Variants in CPNE7 observed in about 807,000 individuals in gnomAD.
The protein encoded by CPNE7 is copine 7.
Under a neutral mutation model 66.5 loss-of-function variants are expected in CPNE7, and 78 were observed. That is an observed-to-expected ratio of 1.17 (90% CI 0.98 to 1.42). The LOEUF (loss-of-function observed/expected upper bound fraction) is 1.42, where lower values mean the gene tolerates loss of function less well. Among genes scored for constraint, CPNE7 ranks in the 40% most tolerant of loss-of-function variants. The pLI is 0.00. For missense variants in CPNE7, 1,012 were observed against 776.6 expected (o/e 1.30, Z -3.60); for synonymous variants, 468 against 336.7 (o/e 1.39, Z -4.27).
rs149497882 is a variant in CPNE7 at position 89,595,519 on chromosome 16, C to T, written c.1455C>T (p.Gly485=). The change falls in exon 14 of 15, where the codon GGC becomes GGT. Residue 485 remains glycine (G), a synonymous_variant. Coordinates refer to ENST00000319518, the MANE Select transcript of CPNE7 (RefSeq NM_153636.3). ...ADFTDMQVLD[G]DDGVLRSPRG... ...TCACCGACATGCAGGTCCTGGACGG[C>T]GACGACGGCGTCCTGCGCTCCCCAC... is the stretch of plus-strand genomic sequence containing the variant. 419 of 1,612,598 alleles carry T rather than the reference C, an allele frequency of 2.6e-4. 4 individuals carry two copies. The East Asian group carries it at 4.9e-3, about 19-fold the overall frequency.
intron 2 of CPNE7, 67 bp downstream of exon 2, chr16:89,577,788 G>C: frequency 1.3e-6 from 2 of 1,501,648 alleles, no homozygotes; most frequent in Non-Finnish European, 1.8e-6. Context: ...ATTCAAGGCT[G>C]ATGTACCAGC....
chr16:89,587,038 G>A lies in CPNE7; in HGVS notation c.868-5G>A. 8 of 1,576,990 alleles carry A rather than the reference G, an allele frequency of 5.1e-6. No individual in the cohort carries two copies. The highest frequency in any genetic ancestry group is 1.8e-5 in the Admixed American group (1 of 55,112). ...GGGGTGGACGCTGACTCCGCCGGCC[G>A]GAAGTTCCACAGGGTGTACTCCTTC... On this transcript the variant is annotated splice_region_variant and splice_polypyrimidine_tract_variant and intron_variant, in intron 8 of 14. Coordinates refer to ENST00000319518, the MANE Select transcript of CPNE7 (RefSeq NM_153636.3).
rs770474330 is a variant in CPNE7, at chr16:89,591,166, C to G, written c.1208C>G (p.Pro403Arg). 1.2e-6 allele frequency: 2 copies of G among 1,607,598 alleles called. No individual in the cohort carries two copies. The highest frequency in any genetic ancestry group is 1.7e-6 in the Non-Finnish European group (2 of 1,177,348). ...GTGGAGGCCTACCAGAACTGCCTGCCCAGGGTCCAGCTCTACGGCCCCACC... is the reference window on the plus strand; with the variant it reads ...GTGGAGGCCTACCAGAACTGCCTGCGCAGGGTCCAGCTCTACGGCCCCACC... Reference protein sequence around the residue: ...GVVEAYQNCLPRVQLYGPTNV... With the variant: ...GVVEAYQNCLRRVQLYGPTNV... The change falls in exon 13 of 15, where the codon CCC becomes CGC. Residue 403 changes from proline (P) to arginine (R), a missense_variant. Pro to Arg is a moderately radical substitution (Grantham distance 103). Transcript: ENST00000319518.
In CPNE7 at chr16:89,576,089, G is replaced by A. The variant is rs1041048547; in HGVS notation, c.174+18G>A. Reference sequence around the variant, plus strand: ...GGGTGCAGGTAGGGCCGGGGCGTGGGAGGCCGAGAGGCCACCGGGCCGGGG... The same window carrying A: ...GGGTGCAGGTAGGGCCGGGGCGTGGAAGGCCGAGAGGCCACCGGGCCGGGG... On this transcript the variant is annotated intron_variant, in intron 1 of 14. Transcript: ENST00000319518. The A allele has an allele frequency of 8.0e-6, 10 of 1,245,912 alleles. No homozygotes were observed. The highest frequency in any genetic ancestry group is 1.0e-5 in the Non-Finnish European group (10 of 994,232). The allele number at this position is 1,245,912 out of a possible 1,614,324, so 77.2% of individuals were successfully genotyped here.
Position 89,589,798 on chromosome 16 carries a change from C to G in CPNE7, c.1062-99C>G, listed in dbSNP as rs2059141797. On this transcript the variant is annotated intron_variant, in intron 10 of 14. Coordinates refer to ENST00000319518, the MANE Select transcript of CPNE7 (RefSeq NM_153636.3). ...CTGCCGTGGTACCAGGCCTGGGCACCCCCAGTCTTTTGGGCGCCAGTCATG... is the reference window on the plus strand; with the variant it reads ...CTGCCGTGGTACCAGGCCTGGGCACGCCCAGTCTTTTGGGCGCCAGTCATG... 2.2e-6 allele frequency: 3 copies of G among 1,346,020 alleles called. No individual in the cohort carries two copies. The East Asian group carries it at 7.2e-5, about 32-fold the overall frequency. 83.4% of individuals were successfully genotyped at this position (1,346,020 alleles called of 1,614,324 possible).
chr16:89,596,066 G>C (rs1405613366), intron 14 of CPNE7: 1 of 447,388 alleles, frequency 2.2e-6, no homozygotes, highest in Non-Finnish European at 4.3e-6. Flanking sequence ...ATGCCACATA[G>C]ATGTGAAGTT....
intron 2 of CPNE7, chr16:89,579,052 A>C (rs1294862933): frequency 2.9e-6 from 4 of 1,364,014 alleles, no homozygotes; most frequent in South Asian, 1.4e-5. Flanking sequence ...GCACTTTGGA[A>C]GTCCGAGGTG....
intron 8 of CPNE7, 105 bp from the exon 9 acceptor site, chr16:89,586,938 C>A: frequency 8.3e-7 from 1 of 1,210,136 alleles, no homozygotes; most frequent in Non-Finnish European, 1.2e-6. Flanking sequence ...AGGAGGGTGG[C>A]ACCCCAGAGG....
chr16:89,589,778 G>C lies in CPNE7; in HGVS notation c.1062-119G>C, dbSNP rs561424892. Reference sequence around the variant, plus strand: ...CCACCTCTGGCAGGTGCTTACTGCCGTGGTACCAGGCCTGGGCACCCCCAG... The same window carrying C: ...CCACCTCTGGCAGGTGCTTACTGCCCTGGTACCAGGCCTGGGCACCCCCAG... On this transcript the variant is annotated intron_variant, in intron 10 of 14. Transcript: ENST00000319518. The C allele has an allele frequency of 5.7e-6, 6 of 1,049,196 alleles. No homozygotes were observed. In the African/African-American group the frequency reaches 9.5e-5, roughly 17 times the overall value. The allele number at this position is 1,049,196 out of a possible 1,614,324, so 65.0% of individuals were successfully genotyped here. A position where few individuals can be genotyped will look rare whatever the true frequency, so the allele number is the denominator to read the frequency against.
Position 89,596,714 on chromosome 16 carries a change from C to G in CPNE7, c.*93C>G. On this transcript the variant is annotated 3_prime_UTR_variant, in exon 15 of 15. Transcript: ENST00000319518. The stretch of plus-strand genomic sequence containing the variant: ...TGGGGTCCCTTAAGCTCCCTCCGAC[C>G]TCCCAGAAGCCTCCAGTCCCCACCA... 7.4e-7 allele frequency: 1 copy of G among 1,351,584 alleles called. No homozygotes were observed. The highest frequency in any genetic ancestry group is 3.1e-5 in the Admixed American group (1 of 32,242). The allele number at this position is 1,351,584 out of a possible 1,614,324, so 83.7% of individuals were successfully genotyped here. A position where few individuals can be genotyped will look rare whatever the true frequency, so the allele number is the denominator to read the frequency against.
At position 89,583,745 on chromosome 16, in the gene CPNE7, A is replaced by C. The variant is rs1353582655; in HGVS notation, c.406A>C (p.Arg136=). Residue 136 remains arginine, a synonymous_variant, in exon 3 of 15, where the codon AGG becomes CGG. Coordinates refer to ENST00000319518, the MANE Select transcript of CPNE7 (RefSeq NM_153636.3). ...CCGCCCGCTGCTGCTCAAGTTTGGC[A>C]GGAACGCTGGCAAGTCCACCATCAC... is the stretch of plus-strand genomic sequence containing the variant. ...VTRPLLLKFG[R]NAGKSTITVI... is the part of the protein sequence containing the mutation. The C allele has an allele frequency of 1.9e-6, 3 of 1,612,626 alleles. No homozygotes were observed. Among genetic ancestry groups the C allele is most frequent in the Non-Finnish European group, 2.5e-6 (3 of 1,179,922 alleles).
At position 89,595,378 on chromosome 16, in the gene CPNE7, C is replaced by T; in HGVS notation, c.1314C>T (p.Ile438=). The T allele has an allele frequency of 7.0e-6, 11 of 1,575,282 alleles. No individual in the cohort carries two copies. Among genetic ancestry groups the T allele is most frequent in the Non-Finnish European group, 9.5e-6 (11 of 1,156,488 alleles). Reference sequence around the variant, plus strand: ...TCCTGTGCCCCCAGCAATACTACATCCTGCTGATCCTGACGGACGGCGTGG... The same window carrying T: ...TCCTGTGCCCCCAGCAATACTACATTCTGCTGATCCTGACGGACGGCGTGG... ...ESTGKASQYY[I]LLILTDGVVT... is the part of the protein sequence containing the mutation. Residue 438 remains isoleucine, a synonymous_variant, in exon 14 of 15, where the codon ATC becomes ATT. Transcript: ENST00000319518.
chr16:89,586,422 C>G (rs781206336), intron 7 of CPNE7, among the ~76,000 whole-genome samples: 1 of 151,936 alleles, frequency 6.6e-6, no homozygotes, highest in African/African-American at 2.4e-5. Context: ...CTTCCTCCCC[C>G]GTCCCTGGGC....
At chr16:89,586,368 A>G (rs372714783) in intron 7 of CPNE7, among the ~76,000 whole-genome samples, 18 of 151,998 alleles carry the variant, frequency 1.2e-4, no homozygotes, top group African/African-American at 4.3e-4. Flanking sequence ...CCCAGCCCAC[A>G]GCAGCCGGGT....
chr16:89,587,329 G>C lies in CPNE7; in HGVS notation c.927+227G>C, dbSNP rs1208480505. Reference sequence around the variant, plus strand: ...GCCCATCCCCGCCCCCTCAGTCCGTGGCCCCGCCCCCGCCCCCGCCCCCGC... The same window carrying C: ...GCCCATCCCCGCCCCCTCAGTCCGTCGCCCCGCCCCCGCCCCCGCCCCCGC... On this transcript the variant is annotated intron_variant, in intron 9 of 14. Coordinates refer to ENST00000319518, the MANE Select transcript of CPNE7 (RefSeq NM_153636.3). Among the ~76,000 whole-genome samples the C allele has an allele frequency of 3.4e-3, 9 of 2,658 alleles. 4 individuals are homozygous for C. Among genetic ancestry groups the C allele is most frequent in the African/African-American group, 0.015 (9 of 616 alleles). The allele number at this position is 2,658 out of a possible 152,430, so 1.7% of individuals were successfully genotyped here. A position where few individuals can be genotyped will look rare whatever the true frequency, so the allele number is the denominator to read the frequency against.
rs771808309 is a variant in CPNE7, at chr16:89,584,820, A to G, written c.554A>G (p.Asn185Ser). 8.7e-6 allele frequency: 14 copies of G among 1,613,638 alleles called. No individual in the cohort carries two copies. In the African/African-American group the frequency reaches 1.1e-4, roughly 12 times the overall value. The change falls in exon 5 of 15, where the codon AAC (asparagine) becomes AGC (serine). Residue 185 changes from asparagine to serine, a missense_variant. Coordinates refer to ENST00000319518, the MANE Select transcript of CPNE7 (RefSeq NM_153636.3). The surrounding 1 kb of genome is among the most constrained non-coding windows in gnomAD (Gnocchi z 6.0). ...CCCTTCCTGGAGCTCTACAGGGTCA[A>G]CGACGACCAGGGCTTGCAGCTGGTG... ...SDPFLELYRV[N>S]DDQGLQLVYR...
At position 89,577,268 on chromosome 16, in the gene CPNE7, G is replaced by T. The variant is rs72805550; in HGVS notation, c.175-271G>T. On this transcript the variant is annotated intron_variant, in intron 1 of 14. Transcript: ENST00000319518. ...CAGCCCAGGGTGTGAATCTGATCTC[G>T]CCCCCGACTCAGCGTGTCATTCTCG... Among the ~76,000 whole-genome samples the T allele has an allele frequency of 4.6e-5, 7 of 152,050 alleles. 1 individual carries two copies. In the East Asian group the frequency reaches 1.4e-3, roughly 29 times the overall value.
At chr16:89,595,769 C>A in intron 14 of CPNE7, 166 bp downstream of exon 14, 1 of 744,820 alleles carries the variant, frequency 1.3e-6, no homozygotes, top group Non-Finnish European at 2.4e-6. Flanking sequence ...TATCTGAAGC[C>A]AGGACTTTGA....
intron 2 of CPNE7, 22 bp from the exon 3 acceptor site, chr16:89,583,671 CCCTG>C: frequency 6.2e-7 from 1 of 1,612,516 alleles, no homozygotes; most frequent in Non-Finnish European, 8.5e-7. Flanking sequence ...GCCTGCCCCT[CCCTG>C]CCTGACGCCT....
Sources: gnomAD v4.1 joint callset for allele counts (sites outside exome capture counted in the v4.1 genomes callset) on GRCh38, gnomAD v4.1.1 for gene constraint, Gnocchi (gnomAD v3.1) non-coding constraint, MANE v1.5 for transcripts, NCBI Gene and HGNC (gene_info 2026-07-23, HGNC 2026-07-21) for gene names.